ZMAT1: variants seen among roughly 807,000 people sequenced by gnomAD.
ZMAT1 encodes zinc finger matrin-type protein 1.
In ZMAT1, 11 loss-of-function variants were observed where a neutral mutation model predicts 18.5. The ratio of observed to expected loss-of-function variants is 0.59; its 90% CI spans 0.37 to 0.98. The LOEUF (loss-of-function observed/expected upper bound fraction) is 0.98. Ranked by LOEUF, ZMAT1 falls within the 50% of genes least tolerant of loss-of-function variation. The pLI is 0.01. For missense variants in ZMAT1, 525 were observed against 496.2 expected (o/e 1.06, Z -0.55); for synonymous variants, 211 against 176.4 (o/e 1.20, Z -1.55).
At chrX:101,913,519 A>G (rs1340187663) in intron 1 of ZMAT1, among the ~76,000 whole-genome samples, 1 of 111,808 alleles carries the variant, frequency 8.9e-6, no homozygotes, top group Admixed American at 9.5e-5. Flanking sequence ...ATGAAACTAA[A>G]ACAGAACAGG....
chrX:101,916,113 C>T (rs760493687), intron 1 of ZMAT1, among the ~76,000 whole-genome samples: 123 of 111,086 alleles, frequency 1.1e-3, no homozygotes, highest in Non-Finnish European at 2.0e-3. Context: ...AAGCTGGAAG[C>T]CATAATCCTC....
chrX:101,921,159 T>G (rs1171547029), intron 1 of ZMAT1, among the ~76,000 whole-genome samples: 1 of 111,903 alleles, frequency 8.9e-6, no homozygotes, highest in Non-Finnish European at 1.9e-5. Context: ...AACTAGTCAT[T>G]TGGTTCAACC....
chrX:101,896,586 T>G (rs1224105959), intron 4 of ZMAT1, among the ~76,000 whole-genome samples: 1 of 112,377 alleles, frequency 8.9e-6, no homozygotes, highest in Non-Finnish European at 1.9e-5. Flanking sequence ...CTTTGCTGGG[T>G]GACTATGAGT....
intron 4 of ZMAT1, among the ~76,000 whole-genome samples, chrX:101,894,258 A>T (rs1927640172): frequency 9.0e-6 from 1 of 111,530 alleles, no homozygotes; most frequent in Non-Finnish European, 1.9e-5. Flanking sequence ...TTCCCAGGTG[A>T]TGCCAATGGT....
intron 1 of ZMAT1, chrX:101,931,495 C>T (rs1041235794): frequency 1.3e-6 from 1 of 753,841 alleles, no homozygotes; most frequent in Non-Finnish European, 1.6e-6. Flanking sequence ...GGGCCCCCAT[C>T]CTTTACAGGT....
intron 1 of ZMAT1, among the ~76,000 whole-genome samples, chrX:101,915,161 A>T (rs1001633703): frequency 9.0e-6 from 1 of 111,601 alleles, no homozygotes; most frequent in African/African-American, 3.2e-5. Context: ...TCCTCAAAAA[A>T]CTGGGGATAG....
chrX:101,883,306 T>C lies in ZMAT1; in HGVS notation c.*204A>G, dbSNP rs1319215749. 3 of 254,064 alleles carry C rather than the reference T, an allele frequency of 1.2e-5. No individual in the cohort carries two copies. Among genetic ancestry groups the C allele is most frequent in the Non-Finnish European group, 1.9e-5 (3 of 157,004 alleles). 20.9% of individuals were successfully genotyped at this position (254,064 alleles called of 1,213,427 possible). ...CTCTTATGTTCTCCTTGAGTTCTTA[T>C]GTTCTTTTCTCAGAGGTTAAGTTTG... On this transcript the variant is annotated 3_prime_UTR_variant, in exon 6 of 6. Coordinates refer to ENST00000651725, the MANE Select transcript of ZMAT1 (RefSeq NM_001394560.1).
Position 101,931,996 on chromosome X carries a change from G to GCGC in ZMAT1, c.10_12dup (p.Ala4dup), listed in dbSNP as rs1347505759. 2.2e-5 allele frequency: 17 copies of GCGC among 766,208 alleles called. No homozygotes were observed. The highest frequency in any genetic ancestry group is 1.8e-4 in the South Asian group (3 of 17,079). 63.1% of individuals were successfully genotyped at this position (766,208 alleles called of 1,213,427 possible). On this transcript the variant is annotated inframe_insertion, in exon 1 of 6. Transcript: ENST00000651725. ...GCCGCCAGCGGGGTGACTGTGCTCG[G>GCGC]CGCCGCCGCCATCGCAGCGAGGCGC...
In ZMAT1 at chrX:101,904,291, G is replaced by A; in HGVS notation, c.332C>T (p.Thr111Ile). Residue 111 changes from threonine to isoleucine, a missense_variant, in exon 2 of 6, where the codon ACA (threonine) becomes ATA (isoleucine). Transcript: ENST00000651725. ...WNEQEKAELF[T>I]DKFCQVCGVM... is the part of the protein sequence containing the mutation. ...TCCACATACTTGACAAAACTTATCT[G>A]TAAAAAGTTCAGCCTTTTCCTGTTC... is the stretch of plus-strand genomic sequence containing the variant. The A allele has an allele frequency of 8.3e-7, 1 of 1,207,386 alleles. No individual in the cohort carries two copies. Among genetic ancestry groups the A allele is most frequent in the Non-Finnish European group, 1.1e-6 (1 of 893,735 alleles).
At chrX:101,903,631 T>C (rs888964911) in intron 2 of ZMAT1, among the ~76,000 whole-genome samples, 5 of 111,721 alleles carry the variant, frequency 4.5e-5, no homozygotes, top group African/African-American at 1.6e-4. Context: ...GAAAGAACAC[T>C]GGATATGAAA....
chrX:101,914,918 A>T (rs764460739), intron 1 of ZMAT1, among the ~76,000 whole-genome samples: 96 of 111,880 alleles, frequency 8.6e-4, no homozygotes, highest in Non-Finnish European at 1.6e-3. Flanking sequence ...TCTCTGATGA[A>T]TATTGATGCA....
At position 101,898,014 on chromosome X, in the gene ZMAT1, T is replaced by C. The variant is rs1307914905; in HGVS notation, c.530A>G (p.Asn177Ser). 3.3e-6 allele frequency: 4 copies of C among 1,211,341 alleles called. No individual in the cohort carries two copies. Among genetic ancestry groups the C allele is most frequent in the Non-Finnish European group, 4.5e-6 (4 of 895,324 alleles). Residue 177 changes from asparagine to serine, a missense_variant, in exon 4 of 6, where the codon AAC (asparagine) becomes AGC (serine). Asn to Ser is a conservative substitution (Grantham distance 46). Transcript: ENST00000651725. ...QVHRYEGVDK[N>S]KFCDLCNMMF... ...CATGTTGCAGAGATCACAAAATTTG[T>C]TTTTGTCCACTCCTTCATACCTATG...
intron 4 of ZMAT1, among the ~76,000 whole-genome samples, chrX:101,890,570 T>A (rs1460325793): frequency 1.8e-5 from 2 of 111,592 alleles, no homozygotes; most frequent in African/African-American, 6.5e-5. Context: ...TCAGGTTAGA[T>A]GCCAGGGATA....
chrX:101,883,916 T>C lies in ZMAT1; in HGVS notation c.1682A>G (p.Gln561Arg). ...ACTGTATGAGCCAGAGTTATTTTCT[T>C]GCTGATTAAGGCTCAAGGGTACTGG... ...EKPVPLSLNQQENNSGSYSVE... is the reference protein window; with the variant it reads ...EKPVPLSLNQRENNSGSYSVE... Residue 561 changes from glutamine to arginine, a missense_variant, in exon 6 of 6, where the codon CAA (glutamine) becomes CGA (arginine). Physicochemically the swap from Gln to Arg is conservative, Grantham distance 43. Coordinates refer to ENST00000651725, the MANE Select transcript of ZMAT1 (RefSeq NM_001394560.1). The C allele has an allele frequency of 8.3e-7, 1 of 1,210,700 alleles. No homozygotes were observed. Among genetic ancestry groups the C allele is most frequent in the Non-Finnish European group, 1.1e-6 (1 of 895,071 alleles).
intron 1 of ZMAT1, among the ~76,000 whole-genome samples, chrX:101,929,390 CAT>C (rs758833443): frequency 4.6e-4 from 42 of 91,321 alleles, no homozygotes; most frequent in Non-Finnish European, 6.9e-4. Context: ...CCATTTATGG[CAT>C]ATATATATAT....
At chrX:101,913,570 A>C (rs1427226311) in intron 1 of ZMAT1, among the ~76,000 whole-genome samples, 3 of 112,130 alleles carry the variant, frequency 2.7e-5, no homozygotes, top group Non-Finnish European at 3.8e-5. Context: ...TTTCAAGACC[A>C]AAACTGTAAG....
At chrX:101,906,508 C>T (rs886117767) in intron 1 of ZMAT1, among the ~76,000 whole-genome samples, 1 of 111,685 alleles carries the variant, frequency 9.0e-6, no homozygotes, top group African/African-American at 3.3e-5. Context: ...CAGGATCCCA[C>T]AGCCCTGCCC....
At chrX:101,893,419 C>T (rs768506181) in intron 4 of ZMAT1, among the ~76,000 whole-genome samples, 1 of 111,941 alleles carries the variant, frequency 8.9e-6, no homozygotes, top group East Asian at 2.8e-4. Context: ...TATTTCTACA[C>T]TTGCCTAAAT....
chrX:101,931,450 C>T (rs1863790896), intron 1 of ZMAT1: 1 of 754,191 alleles, frequency 1.3e-6, no homozygotes, highest in Non-Finnish European at 1.6e-6. Context: ...CCTTCAAACT[C>T]CTGCCTCATG....
Sources: allele counts gnomAD v4.1 joint callset (sites outside exome capture counted in the v4.1 genomes callset), GRCh38; gene constraint gnomAD v4.1.1; transcripts MANE v1.5; gene names NCBI Gene and HGNC (gene_info 2026-07-23, HGNC 2026-07-21).